The following SLC4A10 variants were observed in gnomAD, a reference collection of about 807,000 sequenced individuals.
SLC4A10 encodes sodium-driven chloride bicarbonate exchanger.
A neutral mutation model predicts 137.7 loss-of-function variants in SLC4A10; 42 were observed. The ratio of observed to expected loss-of-function variants is 0.30; its 90% confidence interval spans 0.24 to 0.39. The LOEUF is 0.39. SLC4A10 is among the 10% of genes least tolerant of loss of function. The pLI, the probability that SLC4A10 is intolerant of heterozygous loss-of-function variation, is 1.00. For synonymous variants in SLC4A10, 474 were observed against 464.1 expected, an observed-to-expected ratio of 1.02 and a Z score of -0.27; for missense variants, 925 against 1,355.0, an observed-to-expected ratio of 0.68 and a Z score of 4.98.
chr2:161,708,533 TCAGA>T (rs946687508), intron 1 of SLC4A10, among the ~76,000 whole-genome samples: 4 of 151,590 alleles, frequency 2.6e-5, no homozygotes, highest in African/African-American at 9.7e-5. Flanking sequence ...CTTACAGTTT[TCAGA>T]CAGCATCAGC....
intron 19 of SLC4A10, among the ~76,000 whole-genome samples, chr2:161,956,640 G>A (rs1435388116): frequency 5.9e-5 from 9 of 152,178 alleles, no homozygotes; most frequent in Admixed American, 5.9e-4. Context: ...TGACAGTGGA[G>A]TAGCATAACA....
At chr2:161,882,527 G>C in intron 10 of SLC4A10, 83 bp downstream of exon 10, 1 of 780,182 alleles carries the variant, frequency 1.3e-6, no homozygotes, top group Non-Finnish European at 2.0e-6. Flanking sequence ...ATGACAGTTT[G>C]TTGTGAATCA....
At chr2:161,706,429 T>C (rs1322999984) in intron 1 of SLC4A10, among the ~76,000 whole-genome samples, 1 of 151,640 alleles carries the variant, frequency 6.6e-6, no homozygotes, top group Non-Finnish European at 1.5e-5. Flanking sequence ...ATTCAATCCC[T>C]GAATTCTATC....
rs1333989851 is a variant in SLC4A10 at position 161,737,657 on chromosome 2, GA to G, written c.49-33314del. Among the ~76,000 whole-genome samples the G allele has an allele frequency of 2.0e-5, 3 of 152,038 alleles. No individual in the cohort carries two copies. In the East Asian group the frequency reaches 5.8e-4, roughly 29 times the overall value. On this transcript the variant is annotated intron_variant, in intron 1 of 26. Coordinates refer to ENST00000446997, the MANE Select transcript of SLC4A10 (RefSeq NM_001178015.2). ...CTTTTACAAGTACAGTGTTCATTTG[GA>G]ATGTTCTACTGTAATTTTAAATTAC... is the stretch of plus-strand genomic sequence containing the variant.
intron 9 of SLC4A10, among the ~76,000 whole-genome samples, chr2:161,880,932 C>G (rs968033968): frequency 3.3e-5 from 5 of 151,946 alleles, no homozygotes; most frequent in Non-Finnish European, 1.5e-5. Context: ...GGGTTATATA[C>G]CCTTACTGTG....
chr2:161,831,732 C>T (rs139154577), intron 3 of SLC4A10, among the ~76,000 whole-genome samples: 3 of 152,038 alleles, frequency 2.0e-5, no homozygotes, highest in East Asian at 1.9e-4. Context: ...TCAAAGAATG[C>T]GTTGAAGAAT....
rs540229880 is a variant in SLC4A10, at chr2:161,931,838, T to C, written c.1998-10954T>C. Among the ~76,000 whole-genome samples the C allele has an allele frequency of 4.2e-3, 645 of 152,316 alleles. 2 individuals carry two copies. The highest frequency in any genetic ancestry group is 0.015 in the African/African-American group (618 of 41,580). ...AGTAATATAAAGGAGATCAAAGAAC[T>C]AATGTGTTTGTTCCCAACCTACCTT... On this transcript the variant is annotated intron_variant, in intron 15 of 26. Transcript: ENST00000446997.
At chr2:161,661,767 G>A (rs2038430688) in intron 1 of SLC4A10, among the ~76,000 whole-genome samples, 1 of 152,054 alleles carries the variant, frequency 6.6e-6, no homozygotes, top group Non-Finnish European at 1.5e-5. Flanking sequence ...TATTCAAACT[G>A]CATAGTTAAC....
At chr2:161,680,049 T>G (rs2040681200) in intron 1 of SLC4A10, among the ~76,000 whole-genome samples, 2 of 152,088 alleles carry the variant, frequency 1.3e-5, no homozygotes, top group Non-Finnish European at 1.5e-5. Flanking sequence ...CCTTTGTCTA[T>G]GGTGTTTCCC....
intron 2 of SLC4A10, among the ~76,000 whole-genome samples, chr2:161,798,605 T>TAGGATTTGTTAGC (rs2055037293): frequency 6.6e-6 from 1 of 151,754 alleles, no homozygotes; most frequent in Non-Finnish European, 1.5e-5. Flanking sequence ...GTCAAACATC[T>TAGGATTTGTTAGC]AGGATTTGTT....
chr2:161,645,940 T>G (rs1270814571), intron 1 of SLC4A10, among the ~76,000 whole-genome samples: 1 of 152,050 alleles, frequency 6.6e-6, no homozygotes, highest in African/African-American at 2.4e-5. Context: ...GGAAATAGTC[T>G]AAAAAGGTGA....
intron 1 of SLC4A10, among the ~76,000 whole-genome samples, chr2:161,766,403 A>G (rs946998660): frequency 6.6e-6 from 1 of 152,144 alleles, no homozygotes; most frequent in Non-Finnish European, 1.5e-5. Flanking sequence ...GGTTCTTGAA[A>G]TAAAAATTAA....
At chr2:161,872,009 T>C (rs1309003456) in intron 6 of SLC4A10, among the ~76,000 whole-genome samples, 2 of 152,188 alleles carry the variant, frequency 1.3e-5, no homozygotes, top group Non-Finnish European at 2.9e-5. Context: ...TTCAAAATCC[T>C]GGTAACATTT....
At chr2:161,960,073 G>C (rs778431484) in intron 21 of SLC4A10, among the ~76,000 whole-genome samples, 1 of 152,084 alleles carries the variant, frequency 6.6e-6, no homozygotes, top group Non-Finnish European at 1.5e-5. Context: ...CTTATAAGAA[G>C]AGAAGAGGGG....
At chr2:161,754,426 A>G (rs2049355780) in intron 1 of SLC4A10, among the ~76,000 whole-genome samples, 1 of 152,216 alleles carries the variant, frequency 6.6e-6, no homozygotes, top group Non-Finnish European at 1.5e-5. Flanking sequence ...GCTAGGGTAA[A>G]GGACTTTGGA....
chr2:161,720,775 TGCATGTGAG>T (rs1559104975), intron 1 of SLC4A10, among the ~76,000 whole-genome samples: 1 of 152,172 alleles, frequency 6.6e-6, no homozygotes, highest in Non-Finnish European at 1.5e-5. Context: ...TCTGTATCTT[TGCATGTGAG>T]ATGGATTTCT....
intron 1 of SLC4A10, among the ~76,000 whole-genome samples, chr2:161,702,651 C>G (rs1343538245): frequency 6.6e-6 from 1 of 151,746 alleles, no homozygotes; most frequent in African/African-American, 2.4e-5. Context: ...GAAAATGACT[C>G]CCTCTCTCTA....
chr2:161,726,868 C>G lies in SLC4A10; in HGVS notation c.49-44105C>G, dbSNP rs1258544040. On this transcript the variant is annotated intron_variant, in intron 1 of 26. Coordinates refer to ENST00000446997, the MANE Select transcript of SLC4A10 (RefSeq NM_001178015.2). ...GGGCTGCAGTGGGCCGAGACTGTGC[C>G]ACTGCACTCTGGCCTGGGCAACAGA... Among the ~76,000 whole-genome samples the G allele has an allele frequency of 3.9e-5, 6 of 152,224 alleles. No homozygotes were observed. In the East Asian group the frequency reaches 9.6e-4, roughly 24 times the overall value.
chr2:161,677,821 A>G (rs957508806), intron 1 of SLC4A10, among the ~76,000 whole-genome samples: 1 of 152,220 alleles, frequency 6.6e-6, no homozygotes, highest in African/African-American at 2.4e-5. Context: ...CACAGTCAGA[A>G]ATGAACGTGG....
Sources: gnomAD v4.1 joint callset for allele counts (sites outside exome capture counted in the v4.1 genomes callset) on GRCh38, gnomAD v4.1.1 for gene constraint, MANE v1.5 for transcripts, NCBI Gene and HGNC (gene_info 2026-07-23, HGNC 2026-07-21) for gene names.